The following RBM33 variants were observed in gnomAD, a reference collection of about 807,000 sequenced individuals.
RBM33 encodes the protein RNA binding motif protein 33.
RBM33 carries 28 observed loss-of-function variants against 132.6 expected under a neutral mutation model. That is an observed-to-expected ratio of 0.21 (90% CI 0.16 to 0.29). RBM33 has a LOEUF of 0.29. RBM33 is among the 10% of genes least tolerant of loss of function. RBM33 has a pLI of 1.00. For synonymous variants in RBM33, 634 were observed against 593.0 expected (o/e 1.07, Z -1.01); for missense variants, 1,291 against 1,518.5 (o/e 0.85, Z 2.49).
At chr7:155,762,297 T>G (rs939544894) in intron 14 of RBM33, among the ~76,000 whole-genome samples, 2 of 152,238 alleles carry the variant, frequency 1.3e-5, no homozygotes, top group African/African-American at 4.8e-5. Flanking sequence ...CCTGTGCCTT[T>G]CCCTCTGAGG....
chr7:155,669,486 G>A (rs1022424606), intron 2 of RBM33, among the ~76,000 whole-genome samples: 7 of 152,066 alleles, frequency 4.6e-5, no homozygotes, highest in East Asian at 1.9e-4. Context: ...CCGAGTAGCC[G>A]GGATTACAGG....
chr7:155,661,100 GT>G (rs1411438167), intron 1 of RBM33, among the ~76,000 whole-genome samples: 14 of 37,780 alleles, frequency 3.7e-4, no homozygotes, highest in Middle Eastern at 0.015. Flanking sequence ...TGTGTGTGGT[GT>G]GTGTGTGTGT....
intron 4 of RBM33, 89 bp from the exon 5 acceptor site, chr7:155,680,501 A>T: frequency 1.1e-6 from 1 of 951,018 alleles, no homozygotes; most frequent in Non-Finnish European, 1.5e-6. Flanking sequence ...GTCATGGTTT[A>T]AATCTTTGTA....
At chr7:155,717,618 A>AT (rs895699720) in intron 8 of RBM33, among the ~76,000 whole-genome samples, 6 of 152,048 alleles carry the variant, frequency 3.9e-5, no homozygotes, top group Admixed American at 1.3e-4. Context: ...CTGCCAGCAC[A>AT]TTTTGCTGTA....
chr7:155,716,794 A>T (rs1191003624), intron 8 of RBM33, among the ~76,000 whole-genome samples: 3 of 152,136 alleles, frequency 2.0e-5, no homozygotes, highest in African/African-American at 7.2e-5. Flanking sequence ...TTTTATATAA[A>T]GTCTTGCAAA....
chr7:155,727,245 A>G (rs556642563), intron 9 of RBM33, among the ~76,000 whole-genome samples: 5 of 152,168 alleles, frequency 3.3e-5, no homozygotes, highest in Non-Finnish European at 5.9e-5. Context: ...AGGCCAGCTG[A>G]GGTATCCCCC....
At chr7:155,693,098 A>G (rs578157469) in intron 5 of RBM33, among the ~76,000 whole-genome samples, 6 of 152,316 alleles carry the variant, frequency 3.9e-5, no homozygotes, top group East Asian at 1.9e-4. Context: ...CAAAAAGTCT[A>G]TGTAGTTACA....
intron 1 of RBM33, among the ~76,000 whole-genome samples, chr7:155,645,727 CTT>C (rs917057694): frequency 1.3e-5 from 2 of 152,140 alleles, no homozygotes; most frequent in African/African-American, 4.8e-5. Flanking sequence ...ATTTTGAAAA[CTT>C]TGAAAAGATG....
intron 13 of RBM33, among the ~76,000 whole-genome samples, chr7:155,743,463 C>G (rs1801415891): frequency 6.6e-6 from 1 of 152,206 alleles, no homozygotes; most frequent in Non-Finnish European, 1.5e-5. Flanking sequence ...AAGGATTCTT[C>G]CATGGAGTTA....
At position 155,745,735 on chromosome 7, in the gene RBM33, C is replaced by A; in HGVS notation, c.2979+133C>A. On this transcript the variant is annotated intron_variant, in intron 14 of 17. Coordinates refer to ENST00000401878, the MANE Select transcript of RBM33 (RefSeq NM_053043.3). The surrounding 1 kb of genome is among the most constrained non-coding windows in gnomAD (Gnocchi z 4.1). ...TAGTCTTGTAACCAATCTCTACCTA[C>A]TTGAAGTTGGTATAAGAATTGCCGC... 1 of 900,054 alleles carries A rather than the reference C, an allele frequency of 1.1e-6. No individual in the cohort carries two copies. Among genetic ancestry groups the A allele is most frequent in the Non-Finnish European group, 1.7e-6 (1 of 603,938 alleles). The allele number at this position is 900,054 out of a possible 1,614,324, so 55.8% of individuals were successfully genotyped here.
intron 5 of RBM33, chr7:155,685,079 A>G (rs1235379830): frequency 1.3e-6 from 2 of 1,544,558 alleles, no homozygotes; most frequent in Non-Finnish European, 1.7e-6. Flanking sequence ...TAAAAAGAGT[A>G]AAAAGTTTGC....
At chr7:155,728,619 C>A (rs1350270073) in intron 9 of RBM33, among the ~76,000 whole-genome samples, 1 of 152,136 alleles carries the variant, frequency 6.6e-6, no homozygotes, top group African/African-American at 2.4e-5. Flanking sequence ...CTTATTAAAG[C>A]CTGCCATGAA....
chr7:155,708,209 T>C (rs1018393832), intron 7 of RBM33, among the ~76,000 whole-genome samples: 2 of 152,220 alleles, frequency 1.3e-5, no homozygotes, highest in Non-Finnish European at 2.9e-5. Flanking sequence ...AACTCTGATA[T>C]GTAAAGGGAG....
intron 9 of RBM33, among the ~76,000 whole-genome samples, chr7:155,722,964 T>G (rs2116998618): frequency 6.6e-6 from 1 of 152,372 alleles, no homozygotes; most frequent in Middle Eastern, 3.4e-3. Flanking sequence ...TGTTTAAATT[T>G]AAAATAAACT....
intron 9 of RBM33, among the ~76,000 whole-genome samples, chr7:155,720,158 G>A (rs1240032124): frequency 2.0e-5 from 3 of 152,212 alleles, no homozygotes; most frequent in African/African-American, 2.4e-5. Context: ...GAGATGGGAA[G>A]TATGTGTGGG....
chr7:155,765,208 A>T (rs973655478), intron 15 of RBM33, among the ~76,000 whole-genome samples: 14 of 152,208 alleles, frequency 9.2e-5, no homozygotes, highest in Admixed American at 4.6e-4. Context: ...AGATGCATTT[A>T]AAAAAACCTG....
intron 14 of RBM33, among the ~76,000 whole-genome samples, chr7:155,747,275 T>A (rs1801547918): frequency 6.6e-6 from 1 of 152,266 alleles, no homozygotes; most frequent in Non-Finnish European, 1.5e-5. Flanking sequence ...TCAGTGTTTA[T>A]GGCCCTTTTG....
chr7:155,720,604 G>T (rs1023880754), intron 9 of RBM33, among the ~76,000 whole-genome samples: 6 of 152,122 alleles, frequency 3.9e-5, no homozygotes, highest in Non-Finnish European at 7.4e-5. Context: ...CAAGTGCTCT[G>T]CATAGTGCTG....
At position 155,706,907 on chromosome 7, in the gene RBM33, GAGCGAC is replaced by G; in HGVS notation, c.791_796del (p.Arg264_Gln265del). ...AGCATTGCTTGAATTTGAAGAAAGG[GAGCGAC>G]AGCATAAACAAGGACGCTACAGCTC... On this transcript the variant is annotated inframe_deletion, in exon 7 of 18. Transcript: ENST00000401878. The G allele has an allele frequency of 6.2e-7, 1 of 1,607,472 alleles. No homozygotes were observed. The highest frequency in any genetic ancestry group is 8.5e-7 in the Non-Finnish European group (1 of 1,177,154).
Sources: gnomAD v4.1 joint callset for allele counts (sites outside exome capture counted in the v4.1 genomes callset) on GRCh38, gnomAD v4.1.1 for gene constraint, Gnocchi (gnomAD v3.1) non-coding constraint, MANE v1.5 for transcripts, NCBI Gene and HGNC (gene_info 2026-07-23, HGNC 2026-07-21) for gene names.